The following GRIN2B variants were observed in gnomAD, a reference collection of about 807,000 sequenced individuals.
GRIN2B encodes the protein glutamate ionotropic receptor NMDA type subunit 2B, also known as glutamate receptor ionotropic, NMDA 2B.
A neutral mutation model predicts 114.5 loss-of-function variants in GRIN2B; 5 were observed. The ratio of observed to expected loss-of-function variants is 0.04; its 90% CI spans 0.02 to 0.09. GRIN2B has a LOEUF of 0.09. Among genes scored for constraint, GRIN2B ranks in the 10% least tolerant of loss-of-function variants. The probability of loss-of-function intolerance (pLI) is 1.00; values close to 1 mark genes in which losing one functional copy is unlikely to be tolerated. For missense variants in GRIN2B, 1,108 were observed against 1,943.5 expected, an observed-to-expected ratio of 0.57 and a Z score of 8.08; for synonymous variants, 787 against 745.1, an observed-to-expected ratio of 1.06 and a Z score of -0.92.
At chr12:13,655,571 T>C (rs34674026) in intron 5 of GRIN2B, among the ~76,000 whole-genome samples, 12,708 of 152,236 alleles carry the variant, frequency 0.083, 569 homozygotes, top group Non-Finnish European at 0.1. Flanking sequence ...GAGGTCAGCA[T>C]AGTCTCTGGA....
chr12:13,548,777 T>TA lies in GRIN2B; in HGVS notation c.*14005dup, dbSNP rs940335335. ...GTAATAGGCTTGATTTTTTTTAGAT[T>TA]AAAAAATTAGTCTAGTGCCCACCTC... On this transcript the variant is annotated 3_prime_UTR_variant, in exon 14 of 14. Coordinates refer to ENST00000609686, the MANE Select transcript of GRIN2B (RefSeq NM_000834.5). 2 of 150,110 alleles carry TA rather than the reference T, an allele frequency of 1.3e-5. No individual in the cohort carries two copies. The highest frequency in any genetic ancestry group is 4.9e-5 in the African/African-American group (2 of 40,598). 9.3% of individuals were successfully genotyped at this position (150,110 alleles called of 1,614,324 possible). A position where few individuals can be genotyped will look rare whatever the true frequency, so the allele number is the denominator to read the frequency against.
intron 2 of GRIN2B, among the ~76,000 whole-genome samples, chr12:13,886,066 C>G (rs527685862): frequency 6.6e-6 from 1 of 152,126 alleles, no homozygotes; most frequent in Non-Finnish European, 1.5e-5. Flanking sequence ...CCAATTGTCC[C>G]CCAACCCAAT....
chr12:13,946,413 C>A (rs527801044), intron 2 of GRIN2B, among the ~76,000 whole-genome samples: 1 of 151,906 alleles, frequency 6.6e-6, no homozygotes, highest in Non-Finnish European at 1.5e-5. Context: ...CATTTGATAT[C>A]ATTCCTTCTT....
chr12:13,652,662 C>T (rs937630617), intron 5 of GRIN2B, among the ~76,000 whole-genome samples: 2 of 152,112 alleles, frequency 1.3e-5, no homozygotes, highest in South Asian at 2.1e-4. Flanking sequence ...AATGGGCAGG[C>T]GGCCTAACTC....
At chr12:13,720,896 C>T (rs140658144) in intron 4 of GRIN2B, among the ~76,000 whole-genome samples, 4 of 152,038 alleles carry the variant, frequency 2.6e-5, no homozygotes, top group African/African-American at 4.8e-5. Flanking sequence ...TGAACAAATT[C>T]GACACAGATC....
intron 2 of GRIN2B, among the ~76,000 whole-genome samples, chr12:13,974,578 T>A (rs1206064439): frequency 6.6e-6 from 1 of 152,230 alleles, no homozygotes; most frequent in African/African-American, 2.4e-5. Flanking sequence ...CCTGTCTTTC[T>A]GTATCCTATA....
At chr12:13,575,755 G>C (rs1591614776) in intron 10 of GRIN2B, among the ~76,000 whole-genome samples, 1 of 152,012 alleles carries the variant, frequency 6.6e-6, no homozygotes, top group Non-Finnish European at 1.5e-5. Flanking sequence ...TGCTGGTTTG[G>C]AGGCAGAGAA....
chr12:13,660,173 A>G (rs1465854295), intron 5 of GRIN2B, among the ~76,000 whole-genome samples: 2 of 152,094 alleles, frequency 1.3e-5, no homozygotes, highest in Admixed American at 1.3e-4. Flanking sequence ...TCATCACTTC[A>G]CTATTCTCTT....
intron 10 of GRIN2B, among the ~76,000 whole-genome samples, chr12:13,575,670 C>CAAAAATAATAATAATAATAAT (rs574433534): frequency 7.7e-6 from 1 of 129,816 alleles, no homozygotes; most frequent in African/African-American, 3.3e-5. Flanking sequence ...AAAATGATAA[C>CAAAAATAATAATAATAATAAT]AACAATAATA....
chr12:13,704,960 C>T (rs532885148), intron 4 of GRIN2B, among the ~76,000 whole-genome samples: 1 of 152,246 alleles, frequency 6.6e-6, no homozygotes, highest in Non-Finnish European at 1.5e-5. Flanking sequence ...TGACTGATTT[C>T]AGTGGAATAT....
At position 13,547,981 on chromosome 12, in the gene GRIN2B, A is replaced by ATATATATATATATATATATTTT; in HGVS notation, c.*14801_*14802insAAAATATATATATATATATATA. On this transcript the variant is annotated 3_prime_UTR_variant, in exon 14 of 14. Transcript: ENST00000609686. Reference sequence around the variant, plus strand: ...TGTGTATATATATATATATATATATATTTTTTTTTTTTTTCTGAAAGCTAC... The same window carrying ATATATATATATATATATATTTT: ...TGTGTATATATATATATATATATATATATATATATATATATATATTTTTTTTTTTTTTTTTTCTGAAAGCTAC... The ATATATATATATATATATATTTT allele has an allele frequency of 1.5e-5, 1 of 68,582 alleles. No homozygotes were observed. Among genetic ancestry groups the ATATATATATATATATATATTTT allele is most frequent in the African/African-American group, 4.6e-5 (1 of 21,782 alleles). The allele number at this position is 68,582 out of a possible 1,614,324, so 4.2% of individuals were successfully genotyped here.
Position 13,907,125 on chromosome 12 carries a change from T to A in GRIN2B, c.-18-40899A>T, listed in dbSNP as rs1319142244. Among the ~76,000 whole-genome samples the A allele has an allele frequency of 3.9e-5, 6 of 151,916 alleles. No homozygotes were observed. The East Asian group carries it at 9.7e-4, about 25-fold the overall frequency. ...CATTCTAAATGTAAAGCAATCTAGA[T>A]AAAAAAAGTCTTTGCATAAACTCAT... On this transcript the variant is annotated intron_variant, in intron 2 of 13. Transcript: ENST00000609686.
intron 4 of GRIN2B, among the ~76,000 whole-genome samples, chr12:13,708,394 T>C (rs1950381604): frequency 1.3e-5 from 2 of 152,094 alleles, no homozygotes. Context: ...AAAGCCTATG[T>C]ATGAACTCCC....
chr12:13,966,237 A>G (rs1867787966), intron 2 of GRIN2B, among the ~76,000 whole-genome samples: 1 of 152,234 alleles, frequency 6.6e-6, no homozygotes, highest in African/African-American at 2.4e-5. Context: ...TATGAGGAAG[A>G]CAGTATATAT....
chr12:13,608,459 C>G, intron 10 of GRIN2B, 144 bp downstream of exon 10: 1 of 696,876 alleles, frequency 1.4e-6, no homozygotes, highest in Non-Finnish European at 2.6e-6. Context: ...AAACTGACTT[C>G]TACTCCCATG....
chr12:13,908,733 A>G (rs529469516), intron 2 of GRIN2B, among the ~76,000 whole-genome samples: 1 of 152,140 alleles, frequency 6.6e-6, no homozygotes, highest in Admixed American at 6.5e-5. Context: ...CTCTCTACTC[A>G]AGTTAAATAA....
At chr12:13,927,274 G>T (rs1866934440) in intron 2 of GRIN2B, among the ~76,000 whole-genome samples, 1 of 152,164 alleles carries the variant, frequency 6.6e-6, no homozygotes, top group South Asian at 2.1e-4. Flanking sequence ...TCTAACAGCA[G>T]TATTTCCCTG....
chr12:13,735,475 T>C (rs1863161795), intron 4 of GRIN2B, among the ~76,000 whole-genome samples: 1 of 152,238 alleles, frequency 6.6e-6, no homozygotes, highest in Admixed American at 6.5e-5. Flanking sequence ...TTTAAGCATA[T>C]ACTCCTACAA....
At chr12:13,718,516 C>A (rs1950479125) in intron 4 of GRIN2B, among the ~76,000 whole-genome samples, 1 of 152,160 alleles carries the variant, frequency 6.6e-6, no homozygotes. Flanking sequence ...TACTGGCTTA[C>A]ACCCAAGTGT....
Sources: allele counts gnomAD v4.1 joint callset (sites outside exome capture counted in the v4.1 genomes callset), GRCh38; gene constraint gnomAD v4.1.1; transcripts MANE v1.5; gene names NCBI Gene and HGNC (gene_info 2026-07-23, HGNC 2026-07-21).